The following BMPR1A variants were observed in gnomAD, a reference collection of about 807,000 sequenced individuals.
The protein encoded by BMPR1A is bone morphogenetic protein receptor type 1A, also known as bone morphogenetic protein receptor type-1A.
In BMPR1A, 7 loss-of-function variants were observed where a neutral mutation model predicts 66.0. That is an observed-to-expected ratio of 0.11 (90% CI 0.06 to 0.20). BMPR1A has a LOEUF of 0.20. Ranked by LOEUF, BMPR1A falls within the 10% of genes least tolerant of loss-of-function variation. The pLI is 1.00. For missense variants in BMPR1A, 408 were observed against 669.1 expected (o/e 0.61, Z 4.31); for synonymous variants, 200 against 229.7 (o/e 0.87, Z 1.17).
intron 3 of BMPR1A, among the ~76,000 whole-genome samples, chr10:86,876,288 TCAGTC>T (rs1842920907): frequency 6.6e-6 from 1 of 152,212 alleles, no homozygotes; most frequent in Non-Finnish European, 1.5e-5. Flanking sequence ...TTTTGAAATC[TCAGTC>T]TGAGTCTGTC....
intron 2 of BMPR1A, among the ~76,000 whole-genome samples, chr10:86,866,200 A>C (rs1376617323): frequency 6.6e-6 from 1 of 151,166 alleles, no homozygotes; most frequent in Middle Eastern, 3.2e-3. Flanking sequence ...AGAAAGCAGA[A>C]TCTATAGATA....
intron 1 of BMPR1A, among the ~76,000 whole-genome samples, chr10:86,807,504 C>T (rs1273203419): frequency 6.6e-6 from 1 of 152,064 alleles, no homozygotes; most frequent in Non-Finnish European, 1.5e-5. Context: ...CCTCAGCCTC[C>T]TGAGTAGCTG....
Position 86,834,167 on chromosome 10 carries a change from GA to G in BMPR1A, c.-267-4697del, listed in dbSNP as rs1440685816. On this transcript the variant is annotated intron_variant, in intron 1 of 12. Transcript: ENST00000372037. ...GAATTGCATTAGGAATGTGTTACCAGACTACCCACTGGCAAGGGGAATGGAA... is the reference window on the plus strand; with the variant it reads ...GAATTGCATTAGGAATGTGTTACCAGCTACCCACTGGCAAGGGGAATGGAA... Among the ~76,000 whole-genome samples the G allele has an allele frequency of 3.3e-5, 5 of 152,186 alleles. No homozygotes were observed. In the South Asian group the frequency reaches 1.0e-3, roughly 31 times the overall value.
rs538797314 is a variant in BMPR1A, at chr10:86,908,428, G to A, written c.531-3812G>A. Among the ~76,000 whole-genome samples, 12 of 152,306 alleles carry A rather than the reference G, an allele frequency of 7.9e-5. No homozygotes were observed. In the South Asian group the frequency reaches 1.5e-3, roughly 18 times the overall value. On this transcript the variant is annotated intron_variant, in intron 7 of 12. Transcript: ENST00000372037. The stretch of plus-strand genomic sequence containing the variant: ...CTCCTCTTAGGCTGTTGATAGGCAG[G>A]AGGTGTTCAGTCTAGTACGAGTCGA...
At chr10:86,766,519 G>A (rs554819262) in intron 1 of BMPR1A, among the ~76,000 whole-genome samples, 24 of 152,160 alleles carry the variant, frequency 1.6e-4, no homozygotes, top group African/African-American at 5.8e-4. Context: ...CAGATTGGAT[G>A]GAAAGTGCCA....
intron 2 of BMPR1A, among the ~76,000 whole-genome samples, chr10:86,873,566 A>G (rs1342882328): frequency 6.6e-6 from 1 of 152,160 alleles, no homozygotes; most frequent in Non-Finnish European, 1.5e-5. Context: ...TATCCACTGG[A>G]GAGTGGTAGC....
At chr10:86,921,409 TGCATCTG>T in intron 10 of BMPR1A, 104 bp from the exon 11 acceptor site, 6 of 1,370,446 alleles carry the variant, frequency 4.4e-6, no homozygotes, top group Non-Finnish European at 6.1e-6. Flanking sequence ...AATTCCACAA[TGCATCTG>T]GCCCCAAGGA....
intron 1 of BMPR1A, among the ~76,000 whole-genome samples, chr10:86,792,103 C>CT (rs1402677080): frequency 9.1e-6 from 1 of 110,216 alleles, no homozygotes; most frequent in Non-Finnish European, 1.7e-5. Flanking sequence ...GACTCTTACT[C>CT]TGTTGCTAGG....
Position 86,926,474 on chromosome 10 carries a change from C to T in BMPR1A, c.*2755C>T, listed in dbSNP as rs191982847. ...GGTGGAGGTTGCAGTGAGCTGAGAT[C>T]GTGTCACTGCACTCCAGCCTGGGCA... On this transcript the variant is annotated 3_prime_UTR_variant, in exon 13 of 13. Transcript: ENST00000372037. 15 of 161,014 alleles carry T rather than the reference C, an allele frequency of 9.3e-5. No homozygotes were observed. Among genetic ancestry groups the T allele is most frequent in the East Asian group, 7.2e-4 (5 of 6,954 alleles). 10.0% of individuals were successfully genotyped at this position (161,014 alleles called of 1,614,324 possible).
intron 10 of BMPR1A, 123 bp downstream of exon 10, chr10:86,919,592 G>A: frequency 7.7e-7 from 1 of 1,303,036 alleles, no homozygotes; most frequent in Non-Finnish European, 1.1e-6. Context: ...TTACATAAAT[G>A]TATAGTTGGG....
intron 1 of BMPR1A, among the ~76,000 whole-genome samples, chr10:86,801,922 G>A (rs1230315826): frequency 6.6e-6 from 1 of 151,940 alleles, no homozygotes; most frequent in Non-Finnish European, 1.5e-5. Flanking sequence ...CATCATGTTA[G>A]CCAGGATGGT....
chr10:86,778,017 A>C (rs1841380235), intron 1 of BMPR1A, among the ~76,000 whole-genome samples: 1 of 152,074 alleles, frequency 6.6e-6, no homozygotes, highest in South Asian at 2.1e-4. Flanking sequence ...CAAAAAAAAA[A>C]AAAAAATTAA....
intron 1 of BMPR1A, among the ~76,000 whole-genome samples, chr10:86,785,783 G>A: frequency 6.6e-6 from 1 of 152,160 alleles, no homozygotes; most frequent in African/African-American, 2.4e-5. Context: ...TGTTTGCCTT[G>A]TTATATTTGG....
Position 86,790,231 on chromosome 10 carries a change from AT to A in BMPR1A, c.-268+33313del, listed in dbSNP as rs1564685695. 3.8e-3 allele frequency among the ~76,000 whole-genome samples: 232 copies of A among 60,280 alleles called. 38 individuals carry two copies. Among genetic ancestry groups the A allele is most frequent in the South Asian group, 5.1e-3 (6 of 1,166 alleles). 39.5% of individuals were successfully genotyped at this position (60,280 alleles called of 152,430 possible). A position where few individuals can be genotyped will look rare whatever the true frequency, so the allele number is the denominator to read the frequency against. Reference sequence around the variant, plus strand: ...TATATATATATATATATATATATATATATATCAAAACCACAATGAGATTCTG... The same window carrying A: ...TATATATATATATATATATATATATAATATCAAAACCACAATGAGATTCTG... On this transcript the variant is annotated intron_variant, in intron 1 of 12. Coordinates refer to ENST00000372037, the MANE Select transcript of BMPR1A (RefSeq NM_004329.3).
At chr10:86,895,529 A>G (rs1843213277) in intron 5 of BMPR1A, among the ~76,000 whole-genome samples, 2 of 150,688 alleles carry the variant, frequency 1.3e-5, no homozygotes. Flanking sequence ...CAAGAGTGAA[A>G]CTCCATCCAA....
At chr10:86,896,910 C>G (rs1363840969) in intron 5 of BMPR1A, among the ~76,000 whole-genome samples, 1 of 152,184 alleles carries the variant, frequency 6.6e-6, no homozygotes, top group Non-Finnish European at 1.5e-5. Flanking sequence ...AAACGTCACC[C>G]AAGCACAGCA....
At chr10:86,786,367 C>T (rs1841517969) in intron 1 of BMPR1A, among the ~76,000 whole-genome samples, 1 of 152,068 alleles carries the variant, frequency 6.6e-6, no homozygotes, top group Admixed American at 6.6e-5. Context: ...TTTTTCTCCT[C>T]CTGATATTTC....
chr10:86,801,285 G>A (rs1029855912), intron 1 of BMPR1A, among the ~76,000 whole-genome samples: 2 of 152,130 alleles, frequency 1.3e-5, no homozygotes, highest in African/African-American at 2.4e-5. Flanking sequence ...GGTGGCGTGC[G>A]CCACCATGCC....
intron 1 of BMPR1A, among the ~76,000 whole-genome samples, chr10:86,782,952 T>C (rs1048767684): frequency 6.6e-6 from 1 of 152,210 alleles, no homozygotes; most frequent in African/African-American, 2.4e-5. Context: ...CATTGCCAAA[T>C]TCAGTATCAT....
Sources: allele counts gnomAD v4.1 joint callset (sites outside exome capture counted in the v4.1 genomes callset), GRCh38; gene constraint gnomAD v4.1.1; transcripts MANE v1.5; gene names NCBI Gene and HGNC (gene_info 2026-07-23, HGNC 2026-07-21).